The following MYT1L variants were observed in gnomAD, a reference collection of about 807,000 sequenced individuals.
MYT1L encodes myelin transcription factor 1 like.
MYT1L carries 12 observed loss-of-function variants against 126.7 expected under a neutral mutation model. That is an observed-to-expected ratio of 0.09 (90% CI 0.06 to 0.15). The LOEUF is 0.15. MYT1L is among the 10% of genes least tolerant of loss of function. MYT1L has a pLI of 1.00. For synonymous variants in MYT1L, 541 were observed against 604.2 expected (o/e 0.90, Z 1.53); for missense variants, 979 against 1,585.2 (o/e 0.62, Z 6.49).
chr2:2,236,814 C>CT (rs1321418446), intron 2 of MYT1L, among the ~76,000 whole-genome samples: 190 of 7,066 alleles, frequency 0.027, 2 homozygotes, highest in Middle Eastern at 0.05. Flanking sequence ...TCTTCTTCTT[C>CT]TTTTTTTTTT....
chr2:1,851,095 T>A (rs2043206003), intron 19 of MYT1L, among the ~76,000 whole-genome samples: 1 of 152,220 alleles, frequency 6.6e-6, no homozygotes, highest in African/African-American at 2.4e-5. Flanking sequence ...TGTCAAGTGG[T>A]ATAGAATTTT....
At chr2:1,985,253 T>G (rs1006795649) in intron 5 of MYT1L, among the ~76,000 whole-genome samples, 3 of 152,100 alleles carry the variant, frequency 2.0e-5, no homozygotes, top group Non-Finnish European at 4.4e-5. Flanking sequence ...GAAGAGGAGA[T>G]AGGAGGGAGG....
chr2:2,268,296 A>T (rs2095182762), intron 2 of MYT1L, among the ~76,000 whole-genome samples: 1 of 152,272 alleles, frequency 6.6e-6, no homozygotes, highest in Admixed American at 6.5e-5. Context: ...CTTTTCACAC[A>T]TTTTACTCTT....
At chr2:2,190,605 C>T (rs886218665) in intron 2 of MYT1L, among the ~76,000 whole-genome samples, 2 of 147,350 alleles carry the variant, frequency 1.4e-5, no homozygotes, top group Non-Finnish European at 3.0e-5. Flanking sequence ...GAAGAAAGTA[C>T]TTGTGTCCTG....
At position 2,004,960 on chromosome 2, in the gene MYT1L, G is replaced by A. The variant is rs191803146; in HGVS notation, c.-157-7613C>T. On this transcript the variant is annotated intron_variant, in intron 4 of 24. Coordinates refer to ENST00000647738, the MANE Select transcript of MYT1L (RefSeq NM_001303052.2). The stretch of plus-strand genomic sequence containing the variant: ...CCTGCATGCGTTCTTTCCTGCATGC[G>A]TTCTTTCCTGCATGCCTTCTTTCCT... Among the ~76,000 whole-genome samples, 842 of 132,786 alleles carry A rather than the reference G, an allele frequency of 6.3e-3. 4 individuals are homozygous for A. The highest frequency in any genetic ancestry group is 9.0e-3 in the Non-Finnish European group (564 of 62,484). 87.1% of individuals were successfully genotyped at this position (132,786 alleles called of 152,430 possible). A position where few individuals can be genotyped will look rare whatever the true frequency, so the allele number is the denominator to read the frequency against.
At chr2:1,972,012 T>C (rs1161345790) in intron 8 of MYT1L, among the ~76,000 whole-genome samples, 1 of 152,176 alleles carries the variant, frequency 6.6e-6, no homozygotes, top group Non-Finnish European at 1.5e-5. Flanking sequence ...CAGTGATGAA[T>C]AGTACAAGGA....
intron 4 of MYT1L, among the ~76,000 whole-genome samples, chr2:2,001,311 T>C (rs1005699600): frequency 6.6e-6 from 1 of 151,784 alleles, no homozygotes. Context: ...AAATTTACCT[T>C]TGACTTCCTC....
intron 2 of MYT1L, among the ~76,000 whole-genome samples, chr2:2,247,086 G>T (rs1267938591): frequency 2.6e-5 from 4 of 152,234 alleles, no homozygotes; most frequent in Non-Finnish European, 5.9e-5. Context: ...CCAATCAAAA[G>T]ATAGAGAGTG....
chr2:2,319,532 C>A (rs2096124300), intron 1 of MYT1L: 1 of 152,098 alleles, frequency 6.6e-6, no homozygotes, highest in Admixed American at 6.6e-5. Flanking sequence ...ACACTGAAAT[C>A]ATACGTGCCG....
At chr2:1,876,429 C>T (rs1397487402) in intron 18 of MYT1L, among the ~76,000 whole-genome samples, 1 of 152,118 alleles carries the variant, frequency 6.6e-6, no homozygotes, top group South Asian at 2.1e-4. Flanking sequence ...AGCACCCCCA[C>T]ACATGCACGA....
chr2:2,269,527 T>A (rs116124698), intron 2 of MYT1L, among the ~76,000 whole-genome samples: 1 of 152,194 alleles, frequency 6.6e-6, no homozygotes, highest in Non-Finnish European at 1.5e-5. Flanking sequence ...CCTGGTTCCC[T>A]TGCTGACTCC....
intron 1 of MYT1L, among the ~76,000 whole-genome samples, chr2:2,305,653 C>A (rs140183163): frequency 8.4e-4 from 128 of 152,228 alleles, no homozygotes; most frequent in African/African-American, 3.0e-3. Context: ...TGAACCACAG[C>A]TCCACAGGCT....
At chr2:1,990,553 A>G (rs148991950) in intron 5 of MYT1L, among the ~76,000 whole-genome samples, 72 of 152,266 alleles carry the variant, frequency 4.7e-4, no homozygotes, top group African/African-American at 1.7e-3. Context: ...TCAACCTCCC[A>G]GGGTCACACC....
intron 3 of MYT1L, among the ~76,000 whole-genome samples, chr2:2,101,196 A>T (rs1019594759): frequency 3.3e-5 from 5 of 151,132 alleles, no homozygotes; most frequent in Non-Finnish European, 5.9e-5. Flanking sequence ...TTTACATCAT[A>T]TTTTTTTTTA....
At chr2:2,082,938 C>G (rs936904214) in intron 3 of MYT1L, among the ~76,000 whole-genome samples, 5 of 152,062 alleles carry the variant, frequency 3.3e-5, no homozygotes, top group African/African-American at 1.2e-4. Flanking sequence ...GTAAGCCAAC[C>G]CTGCTCTCTC....
chr2:1,836,092 A>T (rs1190523594), intron 21 of MYT1L, among the ~76,000 whole-genome samples: 1 of 152,050 alleles, frequency 6.6e-6, no homozygotes, highest in African/African-American at 2.4e-5. Flanking sequence ...ACCAGGTGGG[A>T]GGGAAGTGAG....
In MYT1L at chr2:2,233,992, G is replaced by T. The variant is rs144434608; in HGVS notation, c.-421+50412C>A. On this transcript the variant is annotated intron_variant, in intron 2 of 24. Coordinates refer to ENST00000647738, the MANE Select transcript of MYT1L (RefSeq NM_001303052.2). ...CACTGATCTTATAACCAGGCTTGTAGCTCTTAGATAAGTCCATGCTTGTTT... is the reference window on the plus strand; with the variant it reads ...CACTGATCTTATAACCAGGCTTGTATCTCTTAGATAAGTCCATGCTTGTTT... Among the ~76,000 whole-genome samples the T allele has an allele frequency of 6.1e-3, 925 of 152,292 alleles. 14 individuals are homozygous for T. Among genetic ancestry groups the T allele is most frequent in the African/African-American group, 0.021 (886 of 41,552 alleles).
rs1232921370 is a variant in MYT1L at position 1,903,131 on chromosome 2, T to C, written c.1981A>G (p.Ile661Val). Residue 661 changes from isoleucine (I) to valine (V), a missense_variant, in exon 14 of 25, where the codon ATA (isoleucine) becomes GTA (valine). Around this residue, in one of 12 missense-constraint regions of MYT1L, gnomAD observed 82 missense variants for 177.2 expected, o/e 0.46. Transcript: ENST00000647738. ...YDNHTYGKRA[I>V]APKVQTRDIS... Reference sequence around the variant, plus strand: ...TCCCTGGTTTGCACCTTGGGAGCTATGGCTCGCTTGCCATAAGTATGGTTG... The same window carrying C: ...TCCCTGGTTTGCACCTTGGGAGCTACGGCTCGCTTGCCATAAGTATGGTTG... 1.2e-6 allele frequency: 2 copies of C among 1,614,064 alleles called. No individual in the cohort carries two copies. The highest frequency in any genetic ancestry group is 8.5e-7 in the Non-Finnish European group (1 of 1,179,902).
chr2:2,211,863 A>G (rs1356914762), intron 2 of MYT1L, among the ~76,000 whole-genome samples: 2 of 151,874 alleles, frequency 1.3e-5, no homozygotes, highest in Non-Finnish European at 2.9e-5. Context: ...GAACATTATA[A>G]CAAGCAGAAC....
Sources: allele counts gnomAD v4.1 joint callset (sites outside exome capture counted in the v4.1 genomes callset), GRCh38; gene constraint gnomAD v4.1.1; regional missense constraint gnomAD v4.1.1; transcripts MANE v1.5; gene names NCBI Gene and HGNC (gene_info 2026-07-23, HGNC 2026-07-21).